The following DNAH8 variants were observed in gnomAD, a reference collection of about 807,000 sequenced individuals.
The protein encoded by DNAH8 is axonemal beta dynein heavy chain 8.
DNAH8 carries 382 observed loss-of-function variants against 562.1 expected under a neutral mutation model. The ratio of observed to expected loss-of-function variants is 0.68; its 90% CI spans 0.63 to 0.74. DNAH8 has a LOEUF of 0.74. Among genes scored for constraint, DNAH8 ranks in the 30% least tolerant of loss-of-function variants. DNAH8 has a pLI of 0.00. For synonymous variants in DNAH8, 1,881 were observed against 1,919.4 expected (o/e 0.98, Z 0.52); for missense variants, 5,203 against 5,620.4 (o/e 0.93, Z 2.37).
chr6:38,729,524 T>C (rs1362189277), intron 3 of DNAH8, among the ~76,000 whole-genome samples: 1 of 152,186 alleles, frequency 6.6e-6, no homozygotes, highest in Non-Finnish European at 1.5e-5. Context: ...AAATAATTGG[T>C]CAACAACACA....
chr6:38,870,677 CAT>C lies in DNAH8; in HGVS notation c.6990+121_6990+122del. On this transcript the variant is annotated intron_variant, in intron 49 of 92. Transcript: ENST00000327475. Reference sequence around the variant, plus strand: ...TGATGTAAATGTTAAATGAAAACATCATATATACATCATTGCAAAAAGAATAC... The same window carrying C: ...TGATGTAAATGTTAAATGAAAACATCATATACATCATTGCAAAAAGAATAC... 4 of 1,015,790 alleles carry C rather than the reference CAT, an allele frequency of 3.9e-6. 1 individual carries two copies. The South Asian group carries it at 6.1e-5, about 15-fold the overall frequency. The allele number at this position is 1,015,790 out of a possible 1,614,324, so 62.9% of individuals were successfully genotyped here. A position where few individuals can be genotyped will look rare whatever the true frequency, so the allele number is the denominator to read the frequency against.
chr6:38,864,659 A>G (rs1563037915), intron 45 of DNAH8, among the ~76,000 whole-genome samples: 1 of 152,110 alleles, frequency 6.6e-6, no homozygotes, highest in Non-Finnish European at 1.5e-5. Flanking sequence ...GACATTGGCT[A>G]AAGCAAGTTT....
chr6:38,836,454 AAAACAAAACAACAACAACAAAAAAACCC>A, intron 32 of DNAH8, among the ~76,000 whole-genome samples: 2 of 151,796 alleles, frequency 1.3e-5, no homozygotes, highest in Admixed American at 6.6e-5. Context: ...CTCAAAAAAA[AAAACAAAACAACAACAACAAAAAAACCC>A]AACAAAACAA....
At chr6:38,755,831 G>C (rs1765854110) in intron 9 of DNAH8, 141 bp from the exon 10 acceptor site, 1 of 594,684 alleles carries the variant, frequency 1.7e-6, no homozygotes, top group Non-Finnish European at 3.0e-6. Flanking sequence ...CTAGAATACT[G>C]CATTGGATTT....
chr6:38,868,004 T>C lies in DNAH8; in HGVS notation c.6694-58T>C, dbSNP rs998602154. The stretch of plus-strand genomic sequence containing the variant: ...CGACCTATATGCATAGAGTGAGCCG[T>C]GAGTCTATGTTTAGTTTTTCAATTA... On this transcript the variant is annotated intron_variant, in intron 47 of 92. Transcript: ENST00000327475. The C allele has an allele frequency of 2.4e-5, 37 of 1,549,666 alleles. No individual in the cohort carries two copies. The East Asian group carries it at 7.9e-4, about 33-fold the overall frequency.
chr6:39,006,372 A>T (rs188178286), intron 88 of DNAH8, among the ~76,000 whole-genome samples: 211 of 152,202 alleles, frequency 1.4e-3, no homozygotes, highest in African/African-American at 4.6e-3. Flanking sequence ...TTCCTCTTTA[A>T]TACTTGTATT....
At position 38,815,616 on chromosome 6, in the gene DNAH8, T is replaced by G. The variant is rs769689406; in HGVS notation, c.3482T>G (p.Val1161Gly). The change falls in exon 26 of 93, where the codon GTG becomes GGG. Residue 1161 changes from valine to glycine, a missense_variant. Physicochemically the swap from Val to Gly is moderately radical, Grantham distance 109. Around this residue, in one of 6 missense-constraint regions of DNAH8, gnomAD observed 2,176 missense variants for 2,365.1 expected, o/e 0.92. Transcript: ENST00000327475. ...SVIPSPTTTD[V>G]THQNTGKLLK... ...ATTCCCAGCCCCACCACTACTGACG[T>G]GACCCATCAAAACACAGGAAAACTG... 10 of 1,613,220 alleles carry G rather than the reference T, an allele frequency of 6.2e-6. No individual in the cohort carries two copies. The highest frequency in any genetic ancestry group is 7.6e-6 in the Non-Finnish European group (9 of 1,179,486).
At chr6:38,763,113 C>T (rs537859403) in intron 11 of DNAH8, 1 of 341,314 alleles carries the variant, frequency 2.9e-6, no homozygotes, top group African/African-American at 2.2e-5. Context: ...ATAATGACTA[C>T]TTCACTTGCA....
Position 38,842,480 on chromosome 6 carries a change from G to T in DNAH8, c.4579G>T (p.Ala1527Ser). ...AGATGTAGATATTGAAAAAATTAATGCAGAACTGCTGGAATTTCAAAACAG... is the reference window on the plus strand; with the variant it reads ...AGATGTAGATATTGAAAAAATTAATTCAGAACTGCTGGAATTTCAAAACAG... The part of the protein sequence containing the change: ...WGDVDIEKIN[A>S]ELLEFQNRCR... The change falls in exon 34 of 93, where the codon GCA (alanine) becomes TCA (serine). Residue 1527 changes from alanine (A) to serine (S), a missense_variant. By Grantham distance (99) the Ala-to-Ser change is moderately conservative. Around this residue, in one of 6 missense-constraint regions of DNAH8, gnomAD observed 2,176 missense variants for 2,365.1 expected, o/e 0.92. Coordinates refer to ENST00000327475, the MANE Select transcript of DNAH8 (RefSeq NM_001206927.2). 6.2e-7 allele frequency: 1 copy of T among 1,611,456 alleles called. No individual in the cohort carries two copies. The highest frequency in any genetic ancestry group is 1.1e-5 in the South Asian group (1 of 90,132).
intron 53 of DNAH8, among the ~76,000 whole-genome samples, chr6:38,877,786 A>G (rs1778144088): frequency 6.6e-6 from 1 of 152,224 alleles, no homozygotes. Flanking sequence ...AGATGGAGTA[A>G]TGGGGACTGG....
intron 26 of DNAH8, among the ~76,000 whole-genome samples, chr6:38,816,893 A>C (rs1169299462): frequency 1.3e-5 from 2 of 152,102 alleles, no homozygotes; most frequent in Non-Finnish European, 2.9e-5. Flanking sequence ...CTTCTTTTGC[A>C]AAGTGTCTAT....
At position 38,866,749 on chromosome 6, in the gene DNAH8, C is replaced by T; in HGVS notation, c.6586-20C>T. 6.3e-7 allele frequency: 1 copy of T among 1,598,986 alleles called. No homozygotes were observed. Among genetic ancestry groups the T allele is most frequent in the Non-Finnish European group, 8.6e-7 (1 of 1,168,782 alleles). ...TGTTTTTCACTAAAGTTGAAAAAAACTCACTATATTAATTTTCAGATCATT... is the reference window on the plus strand; with the variant it reads ...TGTTTTTCACTAAAGTTGAAAAAAATTCACTATATTAATTTTCAGATCATT... On this transcript the variant is annotated intron_variant, in intron 46 of 92. Transcript: ENST00000327475.
intron 70 of DNAH8, among the ~76,000 whole-genome samples, chr6:38,919,264 GT>G (rs1318160831): frequency 6.6e-6 from 1 of 152,164 alleles, no homozygotes; most frequent in Non-Finnish European, 1.5e-5. Flanking sequence ...ACATAATACT[GT>G]AATTTGAGAT....
At chr6:38,853,121 C>A in intron 40 of DNAH8, 65 bp from the exon 41 acceptor site, 1 of 1,231,474 alleles carries the variant, frequency 8.1e-7, no homozygotes, top group Non-Finnish European at 1.2e-6. Flanking sequence ...ATTAAGTGTG[C>A]ATGGAACGTC....
intron 53 of DNAH8, among the ~76,000 whole-genome samples, chr6:38,880,885 G>A (rs567754393): frequency 6.6e-6 from 1 of 152,032 alleles, no homozygotes; most frequent in Non-Finnish European, 1.5e-5. Flanking sequence ...AAAATCAGCT[G>A]TGCGTGGTGG....
intron 21 of DNAH8, among the ~76,000 whole-genome samples, chr6:38,794,388 A>G (rs1472614969): frequency 6.6e-6 from 1 of 151,376 alleles, no homozygotes; most frequent in East Asian, 1.9e-4. Context: ...TTTAGTTTCT[A>G]TGCTTTAAAA....
intron 74 of DNAH8, among the ~76,000 whole-genome samples, chr6:38,928,616 T>C (rs1782294255): frequency 6.6e-6 from 1 of 152,210 alleles, no homozygotes; most frequent in Non-Finnish European, 1.5e-5. Flanking sequence ...TCATATCTTC[T>C]TTTTATCATA....
chr6:38,802,111 T>G (rs989199360), intron 21 of DNAH8, among the ~76,000 whole-genome samples: 1 of 151,568 alleles, frequency 6.6e-6, no homozygotes, highest in Non-Finnish European at 1.5e-5. Flanking sequence ...TTCTAAAAAA[T>G]TTATTGTAGA....
intron 52 of DNAH8, 101 bp downstream of exon 52, chr6:38,873,477 A>G: frequency 9.5e-7 from 1 of 1,057,696 alleles, no homozygotes; most frequent in Non-Finnish European, 1.3e-6. Flanking sequence ...ACAGTCCATA[A>G]AAATCATTTG....
Sources: gnomAD v4.1 joint callset for allele counts (sites outside exome capture counted in the v4.1 genomes callset) on GRCh38, gnomAD v4.1.1 for gene constraint, gnomAD v4.1.1 regional missense constraint, MANE v1.5 for transcripts, NCBI Gene and HGNC (gene_info 2026-07-23, HGNC 2026-07-21) for gene names.